KCNT1: variants seen among roughly 807,000 people sequenced by gnomAD.
KCNT1 encodes potassium sodium-activated channel subfamily T member 1.
A neutral mutation model predicts 147.8 loss-of-function variants in KCNT1; 78 were observed. That is an observed-to-expected ratio of 0.53 (90% CI 0.44 to 0.64). The LOEUF is 0.64. KCNT1 is among the 30% of genes least tolerant of loss of function. The probability of loss-of-function intolerance (pLI) is 0.00; values close to 1 mark genes in which losing one functional copy is unlikely to be tolerated. For missense variants in KCNT1, 1,419 were observed against 1,750.3 expected (o/e 0.81, Z 3.38); for synonymous variants, 867 against 748.8 (o/e 1.16, Z -2.58).
chr9:135,750,554 C>T, intron 3 of KCNT1: 1 of 445,476 alleles, frequency 2.2e-6, no homozygotes, highest in South Asian at 2.5e-5. Flanking sequence ...CAACAGCTCC[C>T]TGCCCCGTTC....
intron 3 of KCNT1, chr9:135,750,406 C>T: frequency 1.7e-6 from 1 of 582,058 alleles, no homozygotes; most frequent in Non-Finnish European, 3.1e-6. Context: ...ACCAGGGCCT[C>T]TGCAGCGGGA....
intron 2 of KCNT1, chr9:135,736,988 C>G (rs1227378718): frequency 1.0e-5 from 3 of 290,416 alleles, no homozygotes; most frequent in East Asian, 1.1e-4. Context: ...CCACTCCCCC[C>G]ACGTAGGGGC....
intron 9 of KCNT1, among the ~76,000 whole-genome samples, chr9:135,757,817 T>C (rs1301896182): frequency 6.6e-6 from 1 of 152,198 alleles, no homozygotes; most frequent in Non-Finnish European, 1.5e-5. Flanking sequence ...ACATGGTCCC[T>C]GTCATGTGAA....
rs760064288 is a variant in KCNT1 at position 135,772,912 on chromosome 9, G to A, written c.2206G>A (p.Val736Met). 3 of 1,538,612 alleles carry A rather than the reference G, an allele frequency of 1.9e-6. No individual in the cohort carries two copies. Among genetic ancestry groups the A allele is most frequent in the South Asian group, 2.4e-5 (2 of 81,852 alleles). Residue 736 changes from valine (V) to methionine (M), a missense_variant, in exon 19 of 31, where the codon GTG (valine) becomes ATG (methionine). Transcript: ENST00000371757. ...GCTGAGCGACCAGTCGGAGGATGAG[G>A]TGACGCCGTCGGACGACGAGGGGCT... ...DLLSDQSEDE[V>M]TPSDDEGLSV...
chr9:135,727,044 TCTCTCTCC>T (rs1211975438), intron 2 of KCNT1, among the ~76,000 whole-genome samples: 1 of 62,704 alleles, frequency 1.6e-5, no homozygotes. Flanking sequence ...CCATTCTCTC[TCTCTCTCC>T]CTCTCTCCCT....
At chr9:135,757,470 C>T (rs1831575802) in intron 9 of KCNT1, 89 bp downstream of exon 9, 3 of 1,191,940 alleles carry the variant, frequency 2.5e-6, no homozygotes, top group South Asian at 2.5e-5. Flanking sequence ...CGTAGCCTGC[C>T]ACGCCCCGGC....
At position 135,757,130 on chromosome 9, in the gene KCNT1, C is replaced by T. The variant is rs770372802; in HGVS notation, c.601-26C>T. On this transcript the variant is annotated intron_variant, in intron 7 of 30. Transcript: ENST00000371757. Reference sequence around the variant, plus strand: ...CCCCACCCCCACCCTCCATCGCCCCCGCTGATACCCCCCGTTTGGCCCCAG... The same window carrying T: ...CCCCACCCCCACCCTCCATCGCCCCTGCTGATACCCCCCGTTTGGCCCCAG... 25 of 1,594,108 alleles carry T rather than the reference C, an allele frequency of 1.6e-5. No individual in the cohort carries two copies. The East Asian group carries it at 1.8e-4, about 11-fold the overall frequency.
chr9:135,791,945 G>A, intron 30 of KCNT1, 64 bp downstream of exon 30: 22 of 1,611,314 alleles, frequency 1.4e-5, no homozygotes, highest in South Asian at 3.3e-5. Flanking sequence ...CTGGGGAGAT[G>A]AGGCCACAGG....
chr9:135,788,170 T>C, intron 29 of KCNT1: 1 of 1,611,642 alleles, frequency 6.2e-7, no homozygotes, highest in Non-Finnish European at 8.5e-7. Flanking sequence ...AAGGTAATTC[T>C]GCCCTGGCGG....
chr9:135,784,690 T>C, intron 26 of KCNT1, 71 bp from the exon 27 acceptor site: 1 of 1,608,364 alleles, frequency 6.2e-7, no homozygotes, highest in Non-Finnish European at 8.5e-7. Context: ...CACCTGCCCC[T>C]GATTCACGGT....
intron 2 of KCNT1, among the ~76,000 whole-genome samples, chr9:135,744,842 C>T (rs938330924): frequency 6.6e-6 from 1 of 152,210 alleles, no homozygotes; most frequent in Non-Finnish European, 1.5e-5. Context: ...CAGGCCTGCC[C>T]GCACATGCCC....
chr9:135,763,415 C>T (rs2131467053), intron 11 of KCNT1, among the ~76,000 whole-genome samples: 1 of 152,388 alleles, frequency 6.6e-6, no homozygotes, highest in South Asian at 2.1e-4. Context: ...CCGGCTGGGT[C>T]TCCTGGAAGT....
chr9:135,750,670 G>T, intron 3 of KCNT1: 1 of 552,246 alleles, frequency 1.8e-6, no homozygotes, highest in Non-Finnish European at 3.2e-6. Flanking sequence ...TCCCTATCCT[G>T]TCCTCCAAGA....
chr9:135,745,381 C>A (rs1413642814), intron 2 of KCNT1, among the ~76,000 whole-genome samples: 1 of 152,172 alleles, frequency 6.6e-6, no homozygotes, highest in Non-Finnish European at 1.5e-5. Context: ...TCCCACCGGC[C>A]GGGCCCTGAC....
At chr9:135,779,530 G>C (rs1833452563) in intron 24 of KCNT1, 60 bp downstream of exon 24, 11 of 1,272,020 alleles carry the variant, frequency 8.6e-6, no homozygotes, top group Non-Finnish European at 1.3e-5. Context: ...GTGGGAGAAA[G>C]GGGCTCAGGG....
At chr9:135,791,329 G>C (rs1289989244) in intron 29 of KCNT1, 3 of 182,262 alleles carry the variant, frequency 1.6e-5, no homozygotes, top group Non-Finnish European at 1.1e-5. Flanking sequence ...GGCATGGGTT[G>C]CTATGAAGAT....
At chr9:135,776,620 G>C (rs528153515) in intron 20 of KCNT1, among the ~76,000 whole-genome samples, 1 of 152,178 alleles carries the variant, frequency 6.6e-6, no homozygotes, top group Non-Finnish European at 1.5e-5. Context: ...GTTAGGGCTC[G>C]GCCACGGAGG....
At chr9:135,706,766 C>T (rs1258686049) in intron 1 of KCNT1, among the ~76,000 whole-genome samples, 1 of 152,184 alleles carries the variant, frequency 6.6e-6, no homozygotes, top group Non-Finnish European at 1.5e-5. Context: ...CCACACCCAG[C>T]AGCTTTCCAG....
At position 135,782,583 on chromosome 9, in the gene KCNT1, C is replaced by T. The variant is rs183009331; in HGVS notation, c.2842-1441C>T. On this transcript the variant is annotated intron_variant, in intron 24 of 30. Transcript: ENST00000371757. ...TTCACTGTCACTTGTGAATGGCACC[C>T]GCTCAGCCCCTGCTGAAGCCCTCCT... Among the ~76,000 whole-genome samples, 538 of 152,318 alleles carry T rather than the reference C, an allele frequency of 3.5e-3. 3 individuals carry two copies. The highest frequency in any genetic ancestry group is 6.8e-3 in the Middle Eastern group (2 of 294).
Sources: allele counts gnomAD v4.1 joint callset (sites outside exome capture counted in the v4.1 genomes callset), GRCh38; gene constraint gnomAD v4.1.1; transcripts MANE v1.5; gene names NCBI Gene and HGNC (gene_info 2026-07-23, HGNC 2026-07-21).